The following WWOX variants were observed in gnomAD, a reference collection of about 807,000 sequenced individuals.
WWOX encodes the protein WW domain-containing oxidoreductase.
A neutral mutation model predicts 46.2 loss-of-function variants in WWOX; 69 were observed. The ratio of observed to expected loss-of-function variants is 1.49; its 90% CI spans 1.23 to 1.82. WWOX has a LOEUF of 1.82. Among genes scored for constraint, WWOX ranks in the 40% most tolerant of loss-of-function variants. The pLI is 0.00. For missense variants in WWOX, 919 were observed against 542.6 expected, an observed-to-expected ratio of 1.69 and a Z score of -6.89; for synonymous variants, 359 against 202.6, an observed-to-expected ratio of 1.77 and a Z score of -6.56.
intron 6 of WWOX, among the ~76,000 whole-genome samples, chr16:78,395,947 C>A (rs1173607148): frequency 6.6e-6 from 1 of 152,134 alleles, no homozygotes; most frequent in Non-Finnish European, 1.5e-5. Context: ...GCCATAAAAG[C>A]AGCCTGCTCT....
At chr16:78,326,929 A>G (rs1893838216) in intron 5 of WWOX, among the ~76,000 whole-genome samples, 2 of 152,188 alleles carry the variant, frequency 1.3e-5, no homozygotes, top group South Asian at 4.1e-4. Context: ...ACAAACACAT[A>G]AAATGTTTAC....
chr16:78,723,602 C>CTTTTCTTTTCTTTTCTTTTCTTTTCT (rs2048749424), intron 8 of WWOX, among the ~76,000 whole-genome samples: 1 of 24,986 alleles, frequency 4.0e-5, no homozygotes, highest in African/African-American at 2.9e-4. Context: ...CTTTTCTTTT[C>CTTTTCTTTTCTTTTCTTTTCTTTTCT]TTTTCTTTTC....
intron 8 of WWOX, among the ~76,000 whole-genome samples, chr16:78,606,521 A>G (rs1057158568): frequency 6.6e-6 from 1 of 152,036 alleles, no homozygotes; most frequent in Non-Finnish European, 1.5e-5. Flanking sequence ...TACCCTTCAT[A>G]TGAGCCCCTC....
rs1231079672 is a variant in WWOX at position 78,144,429 on chromosome 16, C to CTATATATATATA, written c.410-19747_410-19736dup. 3.7e-3 allele frequency among the ~76,000 whole-genome samples: 57 copies of CTATATATATATA among 15,384 alleles called. 6 individuals are homozygous for CTATATATATATA. Among genetic ancestry groups the CTATATATATATA allele is most frequent in the South Asian group, 0.017 (6 of 360 alleles). The allele number at this position is 15,384 out of a possible 152,430, so 10.1% of individuals were successfully genotyped here. On this transcript the variant is annotated intron_variant, in intron 4 of 8. Transcript: ENST00000566780. Reference sequence around the variant, plus strand: ...GGTGCAAACGTGGTTTTTGCCATTACTATATATATATATATATACACATAT... The same window carrying CTATATATATATA: ...GGTGCAAACGTGGTTTTTGCCATTACTATATATATATATATATATATATATATATACACATAT...
chr16:78,825,837 T>G, intron 8 of WWOX: 1 of 612,640 alleles, frequency 1.6e-6, no homozygotes, highest in Admixed American at 2.3e-5. Flanking sequence ...AAGGTGAAGG[T>G]CATGCTGCCC....
intron 8 of WWOX, among the ~76,000 whole-genome samples, chr16:79,195,765 A>T (rs1051678061): frequency 6.6e-6 from 1 of 152,236 alleles, no homozygotes; most frequent in Non-Finnish European, 1.5e-5. Context: ...GAAACACTCC[A>T]GGTAGTGGTA....
At chr16:78,650,969 C>A (rs1224171655) in intron 8 of WWOX, among the ~76,000 whole-genome samples, 3 of 152,222 alleles carry the variant, frequency 2.0e-5, no homozygotes, top group Admixed American at 2.0e-4. Flanking sequence ...TGTGATTCTC[C>A]TTAACAGAGG....
chr16:78,250,302 G>A (rs2037949866), intron 5 of WWOX, among the ~76,000 whole-genome samples: 1 of 152,168 alleles, frequency 6.6e-6, no homozygotes, highest in African/African-American at 2.4e-5. Context: ...TGGATGGCCG[G>A]GGTTTGATTC....
chr16:79,063,922 CTG>C (rs2048397958), intron 8 of WWOX, among the ~76,000 whole-genome samples: 1 of 152,174 alleles, frequency 6.6e-6, no homozygotes, highest in Non-Finnish European at 1.5e-5. Flanking sequence ...GGAGCAAAAA[CTG>C]GCAATTTTCA....
At chr16:78,525,703 A>C (rs1303830872) in intron 8 of WWOX, 2 of 152,092 alleles carry the variant, frequency 1.3e-5, no homozygotes, top group African/African-American at 4.8e-5. Flanking sequence ...CAGAGCATTC[A>C]ATGACCGAGA....
chr16:78,905,523 A>G (rs1042180019), intron 8 of WWOX, among the ~76,000 whole-genome samples: 3 of 152,116 alleles, frequency 2.0e-5, no homozygotes, highest in Non-Finnish European at 4.4e-5. Flanking sequence ...TGGAGACCAT[A>G]GGCATGTTCC....
chr16:78,195,367 C>A (rs76428924), intron 5 of WWOX, among the ~76,000 whole-genome samples: 1 of 152,082 alleles, frequency 6.6e-6, no homozygotes, highest in Non-Finnish European at 1.5e-5. Context: ...ATCCCTGGGA[C>A]CCAGCAGCTG....
At chr16:79,174,522 G>A (rs2050762734) in intron 8 of WWOX, among the ~76,000 whole-genome samples, 1 of 152,166 alleles carries the variant, frequency 6.6e-6, no homozygotes, top group Non-Finnish European at 1.5e-5. Context: ...GGTGGCGCAT[G>A]CCTATAATCC....
rs535471222 is a variant in WWOX, at chr16:78,348,939, G to A, written c.517-37921G>A. On this transcript the variant is annotated intron_variant, in intron 5 of 8. Coordinates refer to ENST00000566780, the MANE Select transcript of WWOX (RefSeq NM_016373.4). ...GGGTGGAAAATAGCCCAGCAGAGGG[G>A]AAAAGAGGAAGTCTGAACGAGGGCC... Among the ~76,000 whole-genome samples, 90 of 120,986 alleles carry A rather than the reference G, an allele frequency of 7.4e-4. 18 individuals are homozygous for A. The highest frequency in any genetic ancestry group is 2.5e-3 in the African/African-American group (88 of 35,742). 79.4% of individuals were successfully genotyped at this position (120,986 alleles called of 152,430 possible).
chr16:78,968,106 C>T (rs1359936568), intron 8 of WWOX, among the ~76,000 whole-genome samples: 7 of 131,744 alleles, frequency 5.3e-5, no homozygotes, highest in East Asian at 4.4e-4. Flanking sequence ...TGGCACAGCG[C>T]GTGGTCCGCG....
intron 6 of WWOX, among the ~76,000 whole-genome samples, chr16:78,387,183 C>A (rs535051219): frequency 6.6e-6 from 1 of 152,182 alleles, no homozygotes; most frequent in African/African-American, 2.4e-5. Flanking sequence ...AGAGAAGACA[C>A]TATTAAAGCA....
At chr16:78,333,006 C>T (rs948534932) in intron 5 of WWOX, among the ~76,000 whole-genome samples, 9 of 144,778 alleles carry the variant, frequency 6.2e-5, no homozygotes, top group African/African-American at 1.3e-4. Flanking sequence ...CAAGATTCTT[C>T]GCTTGGGTAT....
chr16:78,325,110 C>T (rs1367334566), intron 5 of WWOX, among the ~76,000 whole-genome samples: 1 of 152,124 alleles, frequency 6.6e-6, no homozygotes, highest in Admixed American at 6.6e-5. Flanking sequence ...GAGTGTTGGT[C>T]CCGTCACAGG....
chr16:78,653,298 G>C (rs2047006186), intron 8 of WWOX, among the ~76,000 whole-genome samples: 1 of 151,830 alleles, frequency 6.6e-6, no homozygotes, highest in Non-Finnish European at 1.5e-5. Context: ...TTTATAATTT[G>C]GACACTATTT....
Sources: allele counts gnomAD v4.1 joint callset (sites outside exome capture counted in the v4.1 genomes callset), GRCh38; gene constraint gnomAD v4.1.1; transcripts MANE v1.5; gene names NCBI Gene and HGNC (gene_info 2026-07-23, HGNC 2026-07-21).